VAV2: variants seen among roughly 807,000 people sequenced by gnomAD.
VAV2 encodes the protein vav guanine nucleotide exchange factor 2.
In VAV2, 67 loss-of-function variants were observed where a neutral mutation model predicts 132.5. The ratio of observed to expected loss-of-function variants is 0.51; its 90% CI spans 0.42 to 0.62. The LOEUF (loss-of-function observed/expected upper bound fraction) is 0.62, where lower values mean the gene tolerates loss of function less well. Among genes scored for constraint, VAV2 ranks in the 20% least tolerant of loss-of-function variants. VAV2 has a pLI of 0.00. For missense variants in VAV2, 938 were observed against 1,153.6 expected, an observed-to-expected ratio of 0.81 and a Z score of 2.71; for synonymous variants, 492 against 443.5, an observed-to-expected ratio of 1.11 and a Z score of -1.37.
chr9:133,896,833 G>T (rs967311211), intron 2 of VAV2, among the ~76,000 whole-genome samples: 1 of 152,122 alleles, frequency 6.6e-6, no homozygotes. Flanking sequence ...AGTGGCTCAC[G>T]CCTGTAATCC....
chr9:133,773,269 G>C (rs1453866241), intron 25 of VAV2, among the ~76,000 whole-genome samples: 2 of 152,126 alleles, frequency 1.3e-5, no homozygotes, highest in Non-Finnish European at 2.9e-5. Context: ...TGTAACATGA[G>C]GTCAGCCTAG....
chr9:133,780,125 C>T (rs1833956689), intron 20 of VAV2, 186 bp from the exon 21 acceptor site: 1 of 708,748 alleles, frequency 1.4e-6, no homozygotes, highest in Non-Finnish European at 2.3e-6. Context: ...TATTTCACCT[C>T]TGTGCACCTC....
rs1254038497 is a variant in VAV2, at chr9:133,784,392, T to C, written c.1559A>G (p.Asn520Ser). ...CATCTGGAAACTGTGGTGGTTGGCATTGGCTTTGTCTGGCTTGATGTTTGA... is the reference window on the plus strand; with the variant it reads ...CATCTGGAAACTGTGGTGGTTGGCACTGGCTTTGTCTGGCTTGATGTTTGA... Reference protein sequence around the residue: ...AMSNIKPDKANANHHSFQMYT... With the variant: ...AMSNIKPDKASANHHSFQMYT... The change falls in exon 18 of 30, where the codon AAT becomes AGT. Residue 520 changes from asparagine to serine, a missense_variant. Transcript: ENST00000371850. The C allele has an allele frequency of 3.5e-5, 56 of 1,614,074 alleles. No homozygotes were observed. The highest frequency in any genetic ancestry group is 4.5e-5 in the Non-Finnish European group (53 of 1,180,014).
chr9:133,952,148 G>A (rs1450668543), intron 1 of VAV2, among the ~76,000 whole-genome samples: 3 of 152,046 alleles, frequency 2.0e-5, no homozygotes, highest in Admixed American at 2.0e-4. Context: ...TTGGGGTAGG[G>A]TTTCAACATA....
At chr9:133,852,289 G>A (rs541642920) in intron 3 of VAV2, among the ~76,000 whole-genome samples, 190 of 152,016 alleles carry the variant, frequency 1.2e-3, no homozygotes, top group African/African-American at 4.4e-3. Flanking sequence ...TGAAAGAATG[G>A]ACAGGCAGAT....
intron 2 of VAV2, among the ~76,000 whole-genome samples, chr9:133,864,493 A>G (rs7871847): frequency 0.028 from 4,282 of 152,264 alleles, 189 homozygotes; most frequent in African/African-American, 0.096. Context: ...CCCTGGCTCC[A>G]TCCCCACCCA....
At chr9:133,822,934 C>T (rs910068479) in intron 4 of VAV2, among the ~76,000 whole-genome samples, 2 of 152,252 alleles carry the variant, frequency 1.3e-5, no homozygotes, top group Non-Finnish European at 2.9e-5. Context: ...CACCTACCCT[C>T]TCTGAGCCTT....
intron 2 of VAV2, among the ~76,000 whole-genome samples, chr9:133,891,820 GGGGAT>G (rs1220427721): frequency 2.2e-5 from 1 of 45,430 alleles, no homozygotes; most frequent in Non-Finnish European, 4.5e-5. Context: ...AGGGATGGAG[GGGGAT>G]GGAGGGAGAG....
chr9:133,992,192 C>A lies in VAV2; in HGVS notation c.87G>T (p.Val29=), dbSNP rs371581138. ...GCAGCGCCTGCGCCAGGTCGAAGACCACGGCCGAGGGCCACACCACCCGGT... is the reference window on the plus strand; with the variant it reads ...GCAGCGCCTGCGCCAGGTCGAAGACAACGGCCGAGGGCCACACCACCCGGT... ...PNHRVVWPSA[V]VFDLAQALRD... The change falls in exon 1 of 30, where the codon GTG becomes GTT. Residue 29 remains valine, a synonymous_variant. Transcript: ENST00000371850. This position sits in a 1 kb window ranked among gnomAD's most constrained non-coding sequence, Gnocchi z 5.5. 6.3e-7 allele frequency: 1 copy of A among 1,598,914 alleles called. No homozygotes were observed. Among genetic ancestry groups the A allele is most frequent in the South Asian group, 1.1e-5 (1 of 89,524 alleles).
At chr9:133,797,830 C>T (rs1337555578) in intron 9 of VAV2, 21 bp from the exon 10 acceptor site, 1 of 1,608,172 alleles carries the variant, frequency 6.2e-7, no homozygotes, top group African/African-American at 1.3e-5. Context: ...CACACACACG[C>T]ACACACGCAC....
Position 133,771,946 on chromosome 9 carries a change from A to T in VAV2, c.2223+13T>A. ...GCTGGGGTGGGAGCCGGCCGGAGCC[A>T]GAAGTCACCTACCAGGAGGCTGTCG... is the stretch of plus-strand genomic sequence containing the variant. On this transcript the variant is annotated intron_variant, in intron 26 of 29. Coordinates refer to ENST00000371850, the MANE Select transcript of VAV2 (RefSeq NM_001134398.2). 6.3e-7 allele frequency: 1 copy of T among 1,589,094 alleles called. No homozygotes were observed. Among genetic ancestry groups the T allele is most frequent in the South Asian group, 1.1e-5 (1 of 90,280 alleles).
At chr9:133,920,255 T>C (rs370062236) in intron 2 of VAV2, among the ~76,000 whole-genome samples, 14 of 152,322 alleles carry the variant, frequency 9.2e-5, no homozygotes, top group African/African-American at 3.4e-4. Context: ...GGGCTCTGCC[T>C]CCAGTCCACA....
chr9:133,960,602 G>A (rs572069726), intron 1 of VAV2, among the ~76,000 whole-genome samples: 1 of 152,358 alleles, frequency 6.6e-6, no homozygotes, highest in East Asian at 1.9e-4. Context: ...GAGAAAACGG[G>A]AAGTAAAGTG....
At chr9:133,811,014 C>T (rs764382681) in intron 5 of VAV2, among the ~76,000 whole-genome samples, 8 of 152,276 alleles carry the variant, frequency 5.3e-5, no homozygotes, top group South Asian at 2.1e-4. Flanking sequence ...TCCGGGGAGG[C>T]GAGGGGAGCC....
At chr9:133,946,768 C>A (rs767785492) in intron 1 of VAV2, among the ~76,000 whole-genome samples, 8 of 152,146 alleles carry the variant, frequency 5.3e-5, no homozygotes, top group Non-Finnish European at 1.0e-4. Flanking sequence ...ATGCTCATTC[C>A]AAAAACCACT....
At chr9:133,798,659 AACC>A (rs1362749216) in intron 9 of VAV2, among the ~76,000 whole-genome samples, 1 of 152,206 alleles carries the variant, frequency 6.6e-6, no homozygotes, top group African/African-American at 2.4e-5. Context: ...CCCAAAGAAG[AACC>A]ACACCAGGTG....
At chr9:133,842,971 A>G (rs1836784609) in intron 3 of VAV2, among the ~76,000 whole-genome samples, 1 of 152,220 alleles carries the variant, frequency 6.6e-6, no homozygotes, top group South Asian at 2.1e-4. Flanking sequence ...TCTAATTGGC[A>G]GGGAGGCCTT....
chr9:133,827,744 C>CTGAGCACGGGCATCGCCAG (rs1836085770), intron 4 of VAV2, among the ~76,000 whole-genome samples: 2 of 6,122 alleles, frequency 3.3e-4, no homozygotes, highest in African/African-American at 8.7e-4. Flanking sequence ...GGCATCACCA[C>CTGAGCACGGGCATCGCCAG]CTACCGCTGC....
At chr9:133,808,908 G>A in intron 7 of VAV2, 132 bp downstream of exon 7, 1 of 793,590 alleles carries the variant, frequency 1.3e-6, no homozygotes. Flanking sequence ...AGCTGGGAGG[G>A]CCACCAAGTC....
Sources: gnomAD v4.1 joint callset for allele counts (sites outside exome capture counted in the v4.1 genomes callset) on GRCh38, gnomAD v4.1.1 for gene constraint, Gnocchi (gnomAD v3.1) non-coding constraint, MANE v1.5 for transcripts, NCBI Gene and HGNC (gene_info 2026-07-23, HGNC 2026-07-21) for gene names.